The following TOMM70 variants were observed in gnomAD, a reference collection of about 807,000 sequenced individuals.
The protein encoded by TOMM70 is mitochondrial import receptor subunit TOM70.
A neutral mutation model predicts 73.6 loss-of-function variants in TOMM70; 13 were observed. The observed-to-expected ratio is 0.18, with a 90% confidence interval of 0.11 to 0.28. The LOEUF is 0.28. Ranked by LOEUF, TOMM70 falls within the 10% of genes least tolerant of loss-of-function variation. TOMM70 has a pLI of 1.00. For missense variants in TOMM70, 609 were observed against 747.5 expected (o/e 0.81, Z 2.16); for synonymous variants, 257 against 271.2 (o/e 0.95, Z 0.51).
Position 100,372,614 on chromosome 3 carries a change from A to G in TOMM70, c.1444T>C (p.Tyr482His). The change falls in exon 9 of 12, where the codon TAC becomes CAC. Residue 482 changes from tyrosine (Y) to histidine (H), a missense_variant. Physicochemically the swap from Tyr to His is moderately conservative, Grantham distance 83. Transcript: ENST00000284320. Reference sequence around the variant, plus strand: ...CCTGAAAAAACATTTACCTGGGCGTATAGTGCATAGCCTTCGGCACACCTT... The same window carrying G: ...CCTGAAAAAACATTTACCTGGGCGTGTAGTGCATAGCCTTCGGCACACCTT... Reference protein sequence around the residue: ...FPRCAEGYALYAQALTDQQQF... With the variant: ...FPRCAEGYALHAQALTDQQQF... The G allele has an allele frequency of 6.2e-7, 1 of 1,610,520 alleles. No homozygotes were observed. The highest frequency in any genetic ancestry group is 8.5e-7 in the Non-Finnish European group (1 of 1,178,356).
intron 1 of TOMM70, among the ~76,000 whole-genome samples, chr3:100,394,224 G>C (rs941875834): frequency 3.3e-5 from 5 of 152,038 alleles, no homozygotes; most frequent in African/African-American, 4.8e-5. Context: ...TCTTAAAATG[G>C]TTTTATTGTT....
At chr3:100,374,113 A>G (rs761513080) in intron 7 of TOMM70, among the ~76,000 whole-genome samples, 1 of 152,226 alleles carries the variant, frequency 6.6e-6, no homozygotes, top group Non-Finnish European at 1.5e-5. Flanking sequence ...GACCACATAT[A>G]CAACAGTGGT....
chr3:100,394,018 G>A (rs549366533), intron 1 of TOMM70, among the ~76,000 whole-genome samples: 1 of 152,210 alleles, frequency 6.6e-6, no homozygotes, highest in Non-Finnish European at 1.5e-5. Context: ...TATACATCTG[G>A]CAATAAGAAA....
intron 1 of TOMM70, among the ~76,000 whole-genome samples, chr3:100,388,878 C>A (rs1328653148): frequency 6.6e-6 from 1 of 151,922 alleles, no homozygotes; most frequent in Admixed American, 6.6e-5. Flanking sequence ...AGCTGAGGAG[C>A]AAATTAACAA....
In TOMM70 at chr3:100,400,716, C is replaced by T. The variant is rs757010862; in HGVS notation, c.234G>A (p.Lys78=). Residue 78 remains lysine, a synonymous_variant, in exon 1 of 12, where the codon AAG becomes AAA. Coordinates refer to ENST00000284320, the MANE Select transcript of TOMM70 (RefSeq NM_014820.5). ...ARGRGDASGL[K]RNSERKTPEG... ...CCGGGGTCTTCCGTTCGCTGTTGCG[C>T]TTCAGGCCGCTGGCGTCGCCCCGGC... is the stretch of plus-strand genomic sequence containing the variant. 1.9e-6 allele frequency: 3 copies of T among 1,609,852 alleles called. No homozygotes were observed. The highest frequency in any genetic ancestry group is 2.5e-6 in the Non-Finnish European group (3 of 1,179,176).
At chr3:100,371,042 G>C (rs1261149589) in intron 9 of TOMM70, among the ~76,000 whole-genome samples, 2 of 152,066 alleles carry the variant, frequency 1.3e-5, no homozygotes, top group Non-Finnish European at 2.9e-5. Context: ...CCCATTCATA[G>C]GATTAAAATG....
intron 9 of TOMM70, among the ~76,000 whole-genome samples, chr3:100,371,259 ATTTTTTTTTTTTTT>A (rs61515802): frequency 3.0e-5 from 3 of 98,668 alleles, no homozygotes; most frequent in African/African-American, 7.8e-5. Context: ...CAGCGATGGT[ATTTTTTTTTTTTTT>A]TTTTTTTTTT....
At chr3:100,387,028 C>CA in intron 1 of TOMM70, 50 bp from the exon 2 acceptor site, 1 of 1,564,758 alleles carries the variant, frequency 6.4e-7, no homozygotes, top group East Asian at 2.3e-5. Context: ...TTCACAGACT[C>CA]AGACCACAGT....
intron 1 of TOMM70, among the ~76,000 whole-genome samples, chr3:100,393,448 G>C (rs1197334448): frequency 6.6e-6 from 1 of 151,658 alleles, no homozygotes; most frequent in East Asian, 1.9e-4. Flanking sequence ...ACTCAGAGGA[G>C]GGGGGTGGCA....
intron 1 of TOMM70, among the ~76,000 whole-genome samples, chr3:100,397,924 T>G (rs1256230753): frequency 6.6e-6 from 1 of 151,220 alleles, no homozygotes. Flanking sequence ...TAAAAAACTC[T>G]GAAATATCAT....
At chr3:100,366,217 T>C (rs933576674) in intron 11 of TOMM70, among the ~76,000 whole-genome samples, 1 of 152,142 alleles carries the variant, frequency 6.6e-6, no homozygotes, top group African/African-American at 2.4e-5. Flanking sequence ...TACCAGCACA[T>C]CCCCAACCCC....
At chr3:100,373,432 GGAAA>G in intron 8 of TOMM70, 102 bp downstream of exon 8, 1 of 844,380 alleles carries the variant, frequency 1.2e-6, no homozygotes, top group East Asian at 2.8e-5. Context: ...TTATCCTTTG[GGAAA>G]GAAAGAAAAA....
intron 5 of TOMM70, among the ~76,000 whole-genome samples, chr3:100,380,304 C>T (rs768239714): frequency 1.3e-5 from 2 of 151,962 alleles, no homozygotes; most frequent in Admixed American, 6.5e-5. Flanking sequence ...AAGACTGCAC[C>T]ACCACTGCAC....
chr3:100,386,992 A>C lies in TOMM70; in HGVS notation c.325-14T>G. 1 of 1,610,680 alleles carries C rather than the reference A, an allele frequency of 6.2e-7. No homozygotes were observed. The highest frequency in any genetic ancestry group is 8.5e-7 in the Non-Finnish European group (1 of 1,178,866). ...ATCAAGAGAGTTCTGAAATGAGAGG[A>C]AACAATTATCAAACACTAATCAACA... On this transcript the variant is annotated splice_polypyrimidine_tract_variant and intron_variant, in intron 1 of 11. Coordinates refer to ENST00000284320, the MANE Select transcript of TOMM70 (RefSeq NM_014820.5).
Position 100,365,246 on chromosome 3 carries a change from C to T in TOMM70, c.*318G>A. ...TCCAGAACATAATCAACTGCCAACC[C>T]CCCTTAAAAAAAAAATCAACAAATC... is the stretch of plus-strand genomic sequence containing the variant. On this transcript the variant is annotated 3_prime_UTR_variant, in exon 12 of 12. Transcript: ENST00000284320. 1 of 243,600 alleles carries T rather than the reference C, an allele frequency of 4.1e-6. No individual in the cohort carries two copies. Among genetic ancestry groups the T allele is most frequent in the South Asian group, 9.6e-5 (1 of 10,436 alleles). The allele number at this position is 243,600 out of a possible 1,614,324, so 15.1% of individuals were successfully genotyped here.
intron 1 of TOMM70, among the ~76,000 whole-genome samples, chr3:100,397,221 A>G (rs1706835665): frequency 6.6e-6 from 1 of 152,250 alleles, no homozygotes; most frequent in African/African-American, 2.4e-5. Context: ...ACAGCAGTTT[A>G]TCCAACCACA....
At chr3:100,371,833 T>G (rs576211955) in intron 9 of TOMM70, among the ~76,000 whole-genome samples, 1 of 152,166 alleles carries the variant, frequency 6.6e-6, no homozygotes, top group Non-Finnish European at 1.5e-5. Context: ...CTGCTGCAGA[T>G]TTGACAGTGA....
rs771918182 is a variant in TOMM70 at position 100,373,634 on chromosome 3, G to A, written c.1239C>T (p.Leu413=). 3 of 1,611,490 alleles carry A rather than the reference G, an allele frequency of 1.9e-6. No individual in the cohort carries two copies. The highest frequency in any genetic ancestry group is 3.4e-5 in the Admixed American group (2 of 59,658). Residue 413 remains leucine, a synonymous_variant, in exon 8 of 12, where the codon CTC becomes CTT. Transcript: ENST00000284320. Reference sequence around the variant, plus strand: ...CCACTGCTTCTTCAACTTGATCAAGGAGTATTTTCAGCTAAGAAAAAAATA... The same window carrying A: ...CCACTGCTTCTTCAACTTGATCAAGAAGTATTTTCAGCTAAGAAAAAAATA... ...VYHHRGQLKI[L]LDQVEEAVAD...
chr3:100,375,086 T>A lies in TOMM70; in HGVS notation c.1159A>T (p.Thr387Ser). 1.2e-6 allele frequency: 2 copies of A among 1,610,280 alleles called. No individual in the cohort carries two copies. The highest frequency in any genetic ancestry group is 1.7e-6 in the Non-Finnish European group (2 of 1,178,602). ...TCAGCAGCCATGTTAAAATCTTGAG[T>A]GGACAGCAAAGGCTGCTGCTGTTGC... The part of the protein sequence containing the change: ...YMQQQQPLLS[T>S]QDFNMAADID... Residue 387 changes from threonine (T) to serine (S), a missense_variant, in exon 7 of 12, where the codon ACT becomes TCT. Coordinates refer to ENST00000284320, the MANE Select transcript of TOMM70 (RefSeq NM_014820.5).
Sources: allele counts gnomAD v4.1 joint callset (sites outside exome capture counted in the v4.1 genomes callset), GRCh38; gene constraint gnomAD v4.1.1; transcripts MANE v1.5; gene names NCBI Gene and HGNC (gene_info 2026-07-23, HGNC 2026-07-21).